SORCS3: variants seen among roughly 807,000 people sequenced by gnomAD.
SORCS3 encodes the protein VPS10 domain-containing receptor SorCS3.
In SORCS3, 57 loss-of-function variants were observed where a neutral mutation model predicts 146.3. The ratio of observed to expected loss-of-function variants is 0.39; its 90% CI spans 0.31 to 0.49. SORCS3 has a LOEUF of 0.49. SORCS3 is among the 20% of genes least tolerant of loss of function. The pLI is 0.92. For synonymous variants in SORCS3, 653 were observed against 618.5 expected, an observed-to-expected ratio of 1.06 and a Z score of -0.83; for missense variants, 1,341 against 1,575.5, an observed-to-expected ratio of 0.85 and a Z score of 2.52.
At chr10:104,700,068 G>A (rs2133429919) in intron 1 of SORCS3, among the ~76,000 whole-genome samples, 1 of 152,300 alleles carries the variant, frequency 6.6e-6, no homozygotes, top group Non-Finnish European at 1.5e-5. Context: ...GGGCTTCAGA[G>A]TCACAAGTGG....
intron 3 of SORCS3, among the ~76,000 whole-genome samples, chr10:104,954,272 A>G (rs981322904): frequency 1.3e-5 from 2 of 152,198 alleles, no homozygotes; most frequent in Non-Finnish European, 1.5e-5. Flanking sequence ...GGTTCACTCC[A>G]TTGCCTGGAG....
intron 14 of SORCS3, among the ~76,000 whole-genome samples, chr10:105,186,720 T>A (rs770437892): frequency 1.6e-4 from 24 of 151,694 alleles, no homozygotes; most frequent in Non-Finnish European, 2.7e-4. Flanking sequence ...CCGTCTCTAC[T>A]AAAAAATACA....
At chr10:105,191,309 A>G (rs1214405761) in intron 14 of SORCS3, among the ~76,000 whole-genome samples, 1 of 152,364 alleles carries the variant, frequency 6.6e-6, no homozygotes, top group East Asian at 1.9e-4. Flanking sequence ...TGAGGAAGGA[A>G]AAGAAGCAAG....
chr10:105,071,055 G>A (rs1051526389), intron 5 of SORCS3, among the ~76,000 whole-genome samples: 7 of 152,170 alleles, frequency 4.6e-5, no homozygotes, highest in African/African-American at 1.7e-4. Flanking sequence ...CTTCTGGGCT[G>A]TGTTTCCATT....
At chr10:104,921,850 T>C (rs1436684042) in intron 3 of SORCS3, among the ~76,000 whole-genome samples, 1 of 152,128 alleles carries the variant, frequency 6.6e-6, no homozygotes, top group African/African-American at 2.4e-5. Flanking sequence ...ACTCTATTAG[T>C]GGTAACCCTG....
At chr10:105,039,055 C>G (rs2055322777) in intron 4 of SORCS3, among the ~76,000 whole-genome samples, 1 of 152,188 alleles carries the variant, frequency 6.6e-6, no homozygotes, top group Non-Finnish European at 1.5e-5. Flanking sequence ...TTCCACTGAT[C>G]ATGGCATTTT....
chr10:104,713,896 T>G (rs1317620531), intron 1 of SORCS3, among the ~76,000 whole-genome samples: 2 of 152,146 alleles, frequency 1.3e-5, no homozygotes, highest in African/African-American at 4.8e-5. Flanking sequence ...GGTGATTTCT[T>G]TTTTGGAAGG....
chr10:104,868,634 T>G (rs1376348781), intron 2 of SORCS3, among the ~76,000 whole-genome samples: 5 of 152,118 alleles, frequency 3.3e-5, no homozygotes, highest in Non-Finnish European at 5.9e-5. Context: ...ATTCTATGTT[T>G]GATATTCAGC....
intron 3 of SORCS3, 72 bp downstream of exon 3, chr10:104,916,004 GA>G: frequency 3.4e-6 from 4 of 1,160,094 alleles, no homozygotes; most frequent in African/African-American, 1.5e-5. Flanking sequence ...AGAGGTTAAG[GA>G]AAAAACTCAG....
At chr10:105,155,155 T>C (rs1330615619) in intron 9 of SORCS3, among the ~76,000 whole-genome samples, 2 of 152,186 alleles carry the variant, frequency 1.3e-5, no homozygotes, top group East Asian at 3.9e-4. Context: ...AAAATGCCCG[T>C]CCAAATGGTG....
At chr10:104,826,394 C>T (rs2017935238) in intron 1 of SORCS3, among the ~76,000 whole-genome samples, 1 of 152,060 alleles carries the variant, frequency 6.6e-6, no homozygotes, top group African/African-American at 2.4e-5. Context: ...ACACATATAC[C>T]TCAGAGATAT....
intron 4 of SORCS3, among the ~76,000 whole-genome samples, chr10:105,029,777 G>C (rs370205393): frequency 6.6e-6 from 1 of 152,170 alleles, no homozygotes; most frequent in African/African-American, 2.4e-5. Flanking sequence ...TTGATATAGG[G>C]GTAGAGGTTA....
intron 4 of SORCS3, among the ~76,000 whole-genome samples, chr10:105,030,343 T>G (rs2055257246): frequency 6.6e-6 from 1 of 152,186 alleles, no homozygotes; most frequent in East Asian, 1.9e-4. Context: ...GGCTGCATGC[T>G]GGTCTGAGAT....
chr10:105,196,281 C>G (rs1315257279), intron 14 of SORCS3, among the ~76,000 whole-genome samples: 3 of 152,140 alleles, frequency 2.0e-5, no homozygotes, highest in African/African-American at 7.2e-5. Flanking sequence ...ATCTCTTGTT[C>G]CTGTTGTTAG....
chr10:104,938,685 T>G (rs1433832303), intron 3 of SORCS3, among the ~76,000 whole-genome samples: 1 of 152,170 alleles, frequency 6.6e-6, no homozygotes, highest in Admixed American at 6.5e-5. Flanking sequence ...ACCAACATAT[T>G]ATCTTTTAAT....
chr10:104,731,120 C>G (rs1291741589), intron 1 of SORCS3, among the ~76,000 whole-genome samples: 4 of 152,206 alleles, frequency 2.6e-5, no homozygotes, highest in African/African-American at 7.2e-5. Flanking sequence ...CAGAATCTGT[C>G]TGGTTGTCTG....
intron 1 of SORCS3, among the ~76,000 whole-genome samples, chr10:104,740,998 G>C (rs1297255064): frequency 6.6e-6 from 1 of 151,808 alleles, no homozygotes; most frequent in Non-Finnish European, 1.5e-5. Context: ...GTCTCCCTCT[G>C]TCACCCAGGC....
intron 1 of SORCS3, among the ~76,000 whole-genome samples, chr10:104,807,900 C>T (rs1464462471): frequency 6.6e-6 from 1 of 152,140 alleles, no homozygotes; most frequent in Non-Finnish European, 1.5e-5. Context: ...CTGCCTCTGC[C>T]ATGATATGAA....
In SORCS3 at chr10:105,039,451, CTT is replaced by C. The variant is rs920662213; in HGVS notation, c.955-3582_955-3581del. The stretch of plus-strand genomic sequence containing the variant: ...AGATCAGCAGTGGCTCTCTCGCTCT[CTT>C]TTTTTTTTTTTTTTTTTTTTTGAGA... On this transcript the variant is annotated intron_variant, in intron 4 of 26. Transcript: ENST00000369701. 8.4e-3 allele frequency among the ~76,000 whole-genome samples: 815 copies of C among 96,502 alleles called. 3 individuals carry two copies. Among genetic ancestry groups the C allele is most frequent in the African/African-American group, 0.028 (680 of 23,870 alleles). 63.3% of individuals were successfully genotyped at this position (96,502 alleles called of 152,430 possible).
Sources: gnomAD v4.1 joint callset for allele counts (sites outside exome capture counted in the v4.1 genomes callset) on GRCh38, gnomAD v4.1.1 for gene constraint, MANE v1.5 for transcripts, NCBI Gene and HGNC (gene_info 2026-07-23, HGNC 2026-07-21) for gene names.